The following RGS7 variants were observed in gnomAD, a reference collection of about 807,000 sequenced individuals.
RGS7 encodes regulator of G-protein signaling 7.
RGS7 carries 27 observed loss-of-function variants against 81.1 expected under a neutral mutation model. That is an observed-to-expected ratio of 0.33 (90% CI 0.25 to 0.46). RGS7 has a LOEUF of 0.46. Among genes scored for constraint, RGS7 ranks in the 20% least tolerant of loss-of-function variants. RGS7 has a pLI of 1.00. For missense variants in RGS7, 396 were observed against 607.4 expected, an observed-to-expected ratio of 0.65 and a Z score of 3.66; for synonymous variants, 208 against 207.7, an observed-to-expected ratio of 1.00 and a Z score of -0.01.
intron 11 of RGS7, among the ~76,000 whole-genome samples, 187 bp downstream of exon 11, chr1:240,816,130 T>C (rs559861033): frequency 2.0e-5 from 3 of 152,338 alleles, no homozygotes; most frequent in South Asian, 4.1e-4. Context: ...CATATATTGA[T>C]ACATTTTCAA....
intron 3 of RGS7, among the ~76,000 whole-genome samples, chr1:241,075,978 G>A (rs1371813499): frequency 6.6e-6 from 1 of 152,160 alleles, no homozygotes; most frequent in African/African-American, 2.4e-5. Flanking sequence ...CTCTTGGAGT[G>A]ATACATCCAT....
At chr1:241,222,512 G>A (rs1316906149) in intron 2 of RGS7, among the ~76,000 whole-genome samples, 1 of 152,134 alleles carries the variant, frequency 6.6e-6, no homozygotes, top group African/African-American at 2.4e-5. Flanking sequence ...GTTGGTGAAA[G>A]GCTTCATCTG....
intron 2 of RGS7, among the ~76,000 whole-genome samples, chr1:241,209,879 T>C (rs1004328939): frequency 5.9e-5 from 9 of 151,914 alleles, no homozygotes; most frequent in Admixed American, 2.0e-4. Context: ...AAATAAAATA[T>C]ATTATTAACT....
At chr1:241,169,032 T>G (rs542422789) in intron 2 of RGS7, among the ~76,000 whole-genome samples, 26 of 152,262 alleles carry the variant, frequency 1.7e-4, no homozygotes, top group South Asian at 4.2e-4. Context: ...ACAGAGGACA[T>G]AAACTGTCCC....
At chr1:240,894,720 T>C (rs922325200) in intron 6 of RGS7, among the ~76,000 whole-genome samples, 1 of 152,154 alleles carries the variant, frequency 6.6e-6, no homozygotes, top group African/African-American at 2.4e-5. Context: ...AAAATATTAT[T>C]TAGATTATTC....
chr1:241,311,104 T>TA (rs1309220621), intron 2 of RGS7, among the ~76,000 whole-genome samples: 3 of 152,210 alleles, frequency 2.0e-5, no homozygotes, highest in Non-Finnish European at 4.4e-5. Flanking sequence ...TAAAATGAGA[T>TA]AAAACTGAAA....
At chr1:241,221,053 A>T (rs1287132009) in intron 2 of RGS7, among the ~76,000 whole-genome samples, 1 of 126,154 alleles carries the variant, frequency 7.9e-6, no homozygotes. Context: ...GAAAGAAAGA[A>T]AGAAAGAGAG....
chr1:240,931,345 G>A (rs774499292), intron 5 of RGS7, among the ~76,000 whole-genome samples: 2 of 152,102 alleles, frequency 1.3e-5, no homozygotes, highest in African/African-American at 2.4e-5. Flanking sequence ...AATTCCTCTT[G>A]TAACTAATTT....
intron 2 of RGS7, among the ~76,000 whole-genome samples, chr1:241,343,093 T>G (rs2082665704): frequency 6.6e-6 from 1 of 152,004 alleles, no homozygotes; most frequent in African/African-American, 2.4e-5. Flanking sequence ...AAACCCCGTC[T>G]CTACTAAAAA....
chr1:240,830,822 G>A (rs1023294571), intron 9 of RGS7, among the ~76,000 whole-genome samples: 1 of 152,260 alleles, frequency 6.6e-6, no homozygotes, highest in Non-Finnish European at 1.5e-5. Context: ...CCTGGAAATC[G>A]TGTCAACCAT....
At chr1:241,108,757 G>A (rs1558730287) in intron 2 of RGS7, among the ~76,000 whole-genome samples, 1 of 152,098 alleles carries the variant, frequency 6.6e-6, no homozygotes, top group Admixed American at 6.6e-5. Flanking sequence ...CAGAGCACAC[G>A]AATACTTTAA....
At chr1:241,049,195 C>T (rs1247145015) in intron 3 of RGS7, among the ~76,000 whole-genome samples, 1 of 152,158 alleles carries the variant, frequency 6.6e-6, no homozygotes, top group Non-Finnish European at 1.5e-5. Context: ...CAGTTCAACC[C>T]ATAACACTAA....
intron 4 of RGS7, among the ~76,000 whole-genome samples, chr1:240,980,206 T>C (rs746861813): frequency 2.0e-5 from 3 of 152,094 alleles, no homozygotes; most frequent in Non-Finnish European, 4.4e-5. Context: ...TAGAAATGAG[T>C]TATTAAGTGC....
intron 6 of RGS7, among the ~76,000 whole-genome samples, chr1:240,898,481 T>C (rs1669456417): frequency 6.6e-6 from 1 of 152,366 alleles, no homozygotes; most frequent in South Asian, 2.1e-4. Flanking sequence ...TGGTATGTTG[T>C]GTCTTTGTTC....
chr1:241,135,015 G>C (rs1445104689), intron 2 of RGS7, among the ~76,000 whole-genome samples: 1 of 152,084 alleles, frequency 6.6e-6, no homozygotes, highest in Non-Finnish European at 1.5e-5. Flanking sequence ...CTACGTAGCA[G>C]TCAGGTCAGT....
intron 3 of RGS7, among the ~76,000 whole-genome samples, chr1:241,064,555 C>T (rs1051291908): frequency 6.6e-6 from 1 of 151,836 alleles, no homozygotes; most frequent in African/African-American, 2.4e-5. Context: ...GCATTCATAC[C>T]TGGCAACAGA....
chr1:241,063,958 C>T lies in RGS7; in HGVS notation c.175+34708G>A, dbSNP rs113686190. On this transcript the variant is annotated intron_variant, in intron 3 of 18. Transcript: ENST00000440928. ...CAGCACTTTGGGAGGCCAAGGTGGG[C>T]GGATCACCTGAGGCTGGGAGTTCGA... Among the ~76,000 whole-genome samples, 1,202 of 150,288 alleles carry T rather than the reference C, an allele frequency of 8.0e-3. 6 individuals carry two copies. The highest frequency in any genetic ancestry group is 0.025 in the Middle Eastern group (7 of 276).
chr1:240,857,472 A>G (rs1661351677), intron 9 of RGS7, among the ~76,000 whole-genome samples: 1 of 152,166 alleles, frequency 6.6e-6, no homozygotes, highest in African/African-American at 2.4e-5. Context: ...GTATAACAAT[A>G]TGTATCCACC....
At chr1:240,968,992 T>C (rs539920283) in intron 4 of RGS7, among the ~76,000 whole-genome samples, 2 of 152,320 alleles carry the variant, frequency 1.3e-5, no homozygotes, top group South Asian at 4.1e-4. Flanking sequence ...TAAAGGGACC[T>C]GACTTTTCAG....
Sources: allele counts gnomAD v4.1 joint callset (sites outside exome capture counted in the v4.1 genomes callset), GRCh38; gene constraint gnomAD v4.1.1; transcripts MANE v1.5; gene names NCBI Gene and HGNC (gene_info 2026-07-23, HGNC 2026-07-21).